The following PLCL2 variants were observed in gnomAD, a reference collection of about 807,000 sequenced individuals.
PLCL2 encodes inactive phospholipase C-like protein 2.
Under a neutral mutation model 79.6 loss-of-function variants are expected in PLCL2, and 4 were observed. The ratio of observed to expected loss-of-function variants is 0.05; its 90% CI spans 0.02 to 0.11. The LOEUF (loss-of-function observed/expected upper bound fraction) is 0.11, where lower values mean the gene tolerates loss of function less well. PLCL2 is among the 10% of genes least tolerant of loss of function. PLCL2 has a pLI of 1.00. For synonymous variants in PLCL2, 484 were observed against 457.7 expected (o/e 1.06, Z -0.73); for missense variants, 895 against 1,291.0 (o/e 0.69, Z 4.70).
chr3:16,889,393 A>G (rs1696296246), intron 1 of PLCL2, among the ~76,000 whole-genome samples: 1 of 152,116 alleles, frequency 6.6e-6, no homozygotes, highest in South Asian at 2.1e-4. Context: ...TAAATGTAGG[A>G]GATATTGGAA....
chr3:16,990,546 G>T (rs1559510153), intron 1 of PLCL2, among the ~76,000 whole-genome samples: 2 of 152,162 alleles, frequency 1.3e-5, no homozygotes, highest in Admixed American at 1.3e-4. Flanking sequence ...GATTAACTTG[G>T]AAGTTAATTT....
At chr3:17,000,788 G>A (rs190479857) in intron 1 of PLCL2, among the ~76,000 whole-genome samples, 1 of 152,132 alleles carries the variant, frequency 6.6e-6, no homozygotes, top group East Asian at 1.9e-4. Flanking sequence ...ATTCCATTAT[G>A]TATACTTACC....
chr3:17,029,026 C>T (rs1016316207), intron 3 of PLCL2, among the ~76,000 whole-genome samples: 13 of 152,052 alleles, frequency 8.5e-5, no homozygotes, highest in Non-Finnish European at 5.9e-5. Context: ...CAAAATGCCT[C>T]GGGGAAGGGG....
At chr3:16,969,359 A>C (rs1030659355) in intron 1 of PLCL2, among the ~76,000 whole-genome samples, 5 of 152,096 alleles carry the variant, frequency 3.3e-5, no homozygotes, top group African/African-American at 1.2e-4. Flanking sequence ...TGAGCTGTGA[A>C]TCTCTCTGGT....
rs376340181 is a variant in PLCL2, at chr3:16,894,516, T to G, written c.327+9150T>G. Among the ~76,000 whole-genome samples the G allele has an allele frequency of 1.4e-4, 21 of 152,328 alleles. No individual in the cohort carries two copies. In the East Asian group the frequency reaches 2.1e-3, roughly 15 times the overall value. On this transcript the variant is annotated intron_variant, in intron 1 of 5. Transcript: ENST00000615277. ...TTCAGCTTTAGTAGATACTATTAGG[T>G]GATTTTCCTAACTGGTCCAGCCAAT...
rs777260422 is a variant in PLCL2, at chr3:17,089,805, G to A, written c.3277G>A (p.Val1093Ile). 14 of 1,613,850 alleles carry A rather than the reference G, an allele frequency of 8.7e-6. No individual in the cohort carries two copies. Among genetic ancestry groups the A allele is most frequent in the Non-Finnish European group, 1.2e-5 (14 of 1,179,882 alleles). ...ENLKQIHFAA[V>I]SCGLNKPGTE... Reference sequence around the variant, plus strand: ...CCTGAAACAAATCCATTTTGCTGCTGTTTCATGTGGACTGAATAAACCAGG... The same window carrying A: ...CCTGAAACAAATCCATTTTGCTGCTATTTCATGTGGACTGAATAAACCAGG... Residue 1093 changes from valine to isoleucine, a missense_variant, in exon 6 of 6, where the codon GTT becomes ATT. Coordinates refer to ENST00000615277, the MANE Select transcript of PLCL2 (RefSeq NM_001144382.2).
chr3:17,080,416 T>C (rs1423877578), intron 5 of PLCL2, among the ~76,000 whole-genome samples: 1 of 152,136 alleles, frequency 6.6e-6, no homozygotes, highest in Non-Finnish European at 1.5e-5. Context: ...TGAGAGGCGA[T>C]TTAGAATCCG....
At position 17,073,977 on chromosome 3, in the gene PLCL2, A is replaced by G. The variant is rs60884297; in HGVS notation, c.3204+5912A>G. Among the ~76,000 whole-genome samples, 738 of 152,286 alleles carry G rather than the reference A, an allele frequency of 4.8e-3. 4 individuals carry two copies. Among genetic ancestry groups the G allele is most frequent in the African/African-American group, 0.017 (695 of 41,572 alleles). On this transcript the variant is annotated intron_variant, in intron 5 of 5. Transcript: ENST00000615277. ...ACTTCCTCCAAAATCAGCTTCTTCC[A>G]GACTCCTGTTAATGTTGACATTCTG... is the stretch of plus-strand genomic sequence containing the variant.
chr3:16,978,685 C>G (rs1180282231), intron 1 of PLCL2, among the ~76,000 whole-genome samples: 3 of 152,182 alleles, frequency 2.0e-5, no homozygotes, highest in Non-Finnish European at 4.4e-5. Context: ...CTTACAAGCT[C>G]ATTAGTTTTC....
intron 1 of PLCL2, among the ~76,000 whole-genome samples, chr3:16,968,172 A>G (rs946871993): frequency 2.4e-4 from 37 of 152,020 alleles, no homozygotes; most frequent in African/African-American, 2.4e-5. Flanking sequence ...GCCTTCCAGT[A>G]TAGTTTGAAG....
At chr3:17,052,236 CA>C (rs35316797) in intron 4 of PLCL2, among the ~76,000 whole-genome samples, 11,463 of 97,070 alleles carry the variant, frequency 0.12, 490 homozygotes, top group Non-Finnish European at 0.17. Flanking sequence ...GTGAATATGG[CA>C]AAAAAAAAAA....
intron 1 of PLCL2, among the ~76,000 whole-genome samples, chr3:16,985,331 T>A (rs1372952406): frequency 2.6e-5 from 4 of 152,136 alleles, no homozygotes; most frequent in African/African-American, 9.7e-5. Flanking sequence ...ACTTCCATAG[T>A]ACGTGGCCCA....
At chr3:16,955,425 C>G (rs2063695639) in intron 1 of PLCL2, among the ~76,000 whole-genome samples, 1 of 152,002 alleles carries the variant, frequency 6.6e-6, no homozygotes, top group African/African-American at 2.4e-5. Flanking sequence ...GTTTTGGTTA[C>G]TGTAGCCTTA....
At chr3:16,980,533 C>T (rs1471530342) in intron 1 of PLCL2, among the ~76,000 whole-genome samples, 5 of 142,270 alleles carry the variant, frequency 3.5e-5, no homozygotes, top group East Asian at 4.2e-4. Flanking sequence ...ACATCTCAGA[C>T]GATGGGCGGC....
At chr3:17,033,702 C>T (rs1050353351) in intron 3 of PLCL2, among the ~76,000 whole-genome samples, 3 of 152,176 alleles carry the variant, frequency 2.0e-5, no homozygotes, top group African/African-American at 7.2e-5. Context: ...TTTCAGATCA[C>T]CCTCCTTCCA....
chr3:16,963,241 C>G (rs921383720), intron 1 of PLCL2, among the ~76,000 whole-genome samples: 4 of 152,022 alleles, frequency 2.6e-5, no homozygotes, highest in African/African-American at 9.7e-5. Flanking sequence ...TACTTGTCTT[C>G]AGATTAATTA....
intron 1 of PLCL2, among the ~76,000 whole-genome samples, chr3:17,004,220 G>A (rs2064238295): frequency 6.6e-6 from 1 of 152,104 alleles, no homozygotes; most frequent in South Asian, 2.1e-4. Context: ...TCTTGTTAGG[G>A]TAGAAGTGAT....
chr3:16,918,860 C>G (rs1388427646), intron 1 of PLCL2, among the ~76,000 whole-genome samples: 2 of 152,036 alleles, frequency 1.3e-5, no homozygotes, highest in African/African-American at 4.8e-5. Flanking sequence ...TATAGGAGTA[C>G]AAAGGTCATT....
chr3:17,013,321 TG>T (rs896282882), intron 2 of PLCL2, among the ~76,000 whole-genome samples: 1 of 152,198 alleles, frequency 6.6e-6, no homozygotes, highest in African/African-American at 2.4e-5. Flanking sequence ...AATGAGCACC[TG>T]CCATGCACAA....
Sources: allele counts gnomAD v4.1 joint callset (sites outside exome capture counted in the v4.1 genomes callset), GRCh38; gene constraint gnomAD v4.1.1; transcripts MANE v1.5; gene names NCBI Gene and HGNC (gene_info 2026-07-23, HGNC 2026-07-21).